MYO18B: variants seen among roughly 807,000 people sequenced by gnomAD.
MYO18B encodes myosin XVIIIB, also known as unconventional myosin-XVIIIb.
A neutral mutation model predicts 273.0 loss-of-function variants in MYO18B; 204 were observed. The ratio of observed to expected loss-of-function variants is 0.75; its 90% CI spans 0.67 to 0.84. The LOEUF is 0.84. Ranked by LOEUF, MYO18B falls within the 40% of genes least tolerant of loss-of-function variation. The pLI is 0.00. For missense variants in MYO18B, 3,212 were observed against 3,287.6 expected (o/e 0.98, Z 0.56); for synonymous variants, 1,330 against 1,305.7 (o/e 1.02, Z -0.40).
In MYO18B at chr22:25,783,023, A is replaced by G. The variant is rs78816415; in HGVS notation, c.2312+1189A>G. ...TCTCTGAGCCTGACTTTCCTTATCT[A>G]CAAAAATAGATGTGACTGTATCCCA... is the stretch of plus-strand genomic sequence containing the variant. On this transcript the variant is annotated intron_variant, in intron 10 of 43. Transcript: ENST00000335473. Among the ~76,000 whole-genome samples the G allele has an allele frequency of 8.1e-3, 1,236 of 152,302 alleles. 16 individuals carry two copies. Among genetic ancestry groups the G allele is most frequent in the African/African-American group, 0.027 (1,137 of 41,562 alleles).
chr22:25,986,487 T>C (rs1601759801), intron 39 of MYO18B, among the ~76,000 whole-genome samples: 1 of 152,330 alleles, frequency 6.6e-6, no homozygotes, highest in Admixed American at 6.5e-5. Context: ...TCTATAGTAC[T>C]TGACTCTGAG....
intron 1 of MYO18B, among the ~76,000 whole-genome samples, chr22:25,759,941 G>A (rs1281930997): frequency 1.3e-5 from 2 of 152,134 alleles, no homozygotes; most frequent in African/African-American, 4.8e-5. Flanking sequence ...CCCAGAAAAG[G>A]GCTTTCTGGG....
chr22:26,005,887 G>A (rs1934377456), intron 42 of MYO18B, among the ~76,000 whole-genome samples: 1 of 152,172 alleles, frequency 6.6e-6, no homozygotes, highest in Non-Finnish European at 1.5e-5. Flanking sequence ...ATCTTAGGCT[G>A]AAAGACTTGA....
At chr22:26,044,917 T>A in the MYO18B span, among the ~76,000 whole-genome samples, 87 of 152,230 alleles carry the variant, frequency 5.7e-4, no homozygotes, top group African/African-American at 1.9e-3. Flanking sequence ...GTTGAGATGG[T>A]TTGTCCAATG....
chr22:25,757,416 C>A (rs540749711), intron 1 of MYO18B, among the ~76,000 whole-genome samples: 1 of 151,802 alleles, frequency 6.6e-6, no homozygotes, highest in Non-Finnish European at 1.5e-5. Flanking sequence ...GCCAACATGA[C>A]GAAACCCCAT....
At chr22:25,755,021 G>A (rs989434066) in intron 1 of MYO18B, among the ~76,000 whole-genome samples, 4 of 152,162 alleles carry the variant, frequency 2.6e-5, no homozygotes, top group African/African-American at 7.2e-5. Flanking sequence ...GCCACCTGAC[G>A]TCAGGCCTAT....
chr22:25,923,068 C>A (rs1381724877), intron 34 of MYO18B, among the ~76,000 whole-genome samples: 2 of 152,192 alleles, frequency 1.3e-5, no homozygotes, highest in Non-Finnish European at 2.9e-5. Flanking sequence ...ATGACCCTGA[C>A]AGTTTTGAGG....
At chr22:25,911,363 A>G (rs899020952) in intron 33 of MYO18B, among the ~76,000 whole-genome samples, 4 of 152,232 alleles carry the variant, frequency 2.6e-5, no homozygotes, top group African/African-American at 9.6e-5. Flanking sequence ...TGGCCACTGC[A>G]CACATGACTG....
chr22:25,808,212 C>T (rs5752219), intron 12 of MYO18B, among the ~76,000 whole-genome samples: 9,981 of 152,128 alleles, frequency 0.066, 566 homozygotes, highest in East Asian at 0.21. Context: ...GGCCTCTTTT[C>T]TTGTATGAGA....
rs1935259165 is a variant in MYO18B, at chr22:26,015,607, A to G, written c.6470+10752A>G. 4.6e-5 allele frequency among the ~76,000 whole-genome samples: 7 copies of G among 152,184 alleles called. No individual in the cohort carries two copies. In the South Asian group the frequency reaches 1.5e-3, roughly 32 times the overall value. ...TAAGTGGGAGCTAAATTATGAAAGC[A>G]CATGGACACATAGAGGGGAACAACA... is the stretch of plus-strand genomic sequence containing the variant. On this transcript the variant is annotated intron_variant, in intron 42 of 43. Transcript: ENST00000335473.
chr22:25,832,035 A>T (rs1445185506), intron 15 of MYO18B, among the ~76,000 whole-genome samples: 1 of 152,204 alleles, frequency 6.6e-6, no homozygotes, highest in Non-Finnish European at 1.5e-5. Context: ...GAGAAATGCA[A>T]ATCCAAACCA....
intron 20 of MYO18B, among the ~76,000 whole-genome samples, chr22:25,851,000 A>T (rs1232434272): frequency 6.6e-6 from 1 of 152,242 alleles, no homozygotes; most frequent in Non-Finnish European, 1.5e-5. Flanking sequence ...AAATGCCCTT[A>T]GATACTGCCC....
At chr22:25,863,893 G>T (rs2090812758) in intron 21 of MYO18B, among the ~76,000 whole-genome samples, 4 of 152,204 alleles carry the variant, frequency 2.6e-5, no homozygotes, top group Admixed American at 2.6e-4. Flanking sequence ...AACTTATCAA[G>T]CCCACTGTGG....
chr22:25,969,670 A>G (rs1293104064), intron 39 of MYO18B, among the ~76,000 whole-genome samples: 4 of 152,150 alleles, frequency 2.6e-5, no homozygotes, highest in Admixed American at 6.5e-5. Flanking sequence ...AAAAAAATAC[A>G]TGCTGAGAGA....
downstream of MYO18B, among the ~76,000 whole-genome samples, chr22:26,032,652 G>C (rs1936694044): frequency 6.6e-6 from 1 of 151,460 alleles, no homozygotes; most frequent in Admixed American, 6.6e-5. Context: ...CTCCTGAGTA[G>C]CTGGGATTAC....
intron 42 of MYO18B, 86 bp downstream of exon 42, chr22:26,004,941 T>C (rs1934305168): frequency 1.3e-6 from 2 of 1,543,494 alleles, no homozygotes; most frequent in African/African-American, 1.4e-5. Flanking sequence ...TCTTTCATTG[T>C]CTCTGGCATA....
chr22:26,035,270 T>A (rs557052489), downstream of MYO18B, among the ~76,000 whole-genome samples: 1 of 152,174 alleles, frequency 6.6e-6, no homozygotes, highest in Non-Finnish European at 1.5e-5. Context: ...TGCCTTCTAC[T>A]CTCAAGCCAG....
At chr22:25,864,576 G>T (rs1439379488) in intron 21 of MYO18B, among the ~76,000 whole-genome samples, 1 of 152,178 alleles carries the variant, frequency 6.6e-6, no homozygotes, top group Non-Finnish European at 1.5e-5. Context: ...GCGTTGGAGG[G>T]TGGAGAAAAG....
chr22:25,845,413 A>C (rs2090207920), intron 18 of MYO18B, among the ~76,000 whole-genome samples: 1 of 152,174 alleles, frequency 6.6e-6, no homozygotes, highest in South Asian at 2.1e-4. Context: ...GCTACTCGGG[A>C]GGCTGAAGCA....
Sources: gnomAD v4.1 joint callset for allele counts (sites outside exome capture counted in the v4.1 genomes callset) on GRCh38, gnomAD v4.1.1 for gene constraint, MANE v1.5 for transcripts, NCBI Gene and HGNC (gene_info 2026-07-23, HGNC 2026-07-21) for gene names.